Variants in RAD51B observed in about 807,000 individuals in gnomAD.
RAD51B encodes DNA repair protein RAD51 homolog 2.
RAD51B carries 38 observed loss-of-function variants against 42.2 expected under a neutral mutation model. The observed-to-expected ratio is 0.90, with a 90% CI of 0.70 to 1.18. The LOEUF (loss-of-function observed/expected upper bound fraction) is 1.18, where lower values mean the gene tolerates loss of function less well. RAD51B is among the 50% of genes most tolerant of loss of function. RAD51B has a pLI of 0.00. For synonymous variants in RAD51B, 154 were observed against 145.2 expected (o/e 1.06, Z -0.43); for missense variants, 373 against 400.7 (o/e 0.93, Z 0.59).
At chr14:68,594,696 T>A in exon 11 of RAD51B, 2 of 1,277,532 alleles carry the variant, frequency 1.6e-6, no homozygotes, top group African/African-American at 1.5e-5. Context: ...CCCAAAGCGC[T>A]AGGATTACAA....
At chr14:68,223,422 G>A (rs1007259347) in intron 7 of RAD51B, among the ~76,000 whole-genome samples, 1 of 152,206 alleles carries the variant, frequency 6.6e-6, no homozygotes, top group African/African-American at 2.4e-5. Context: ...GTGCCTGGAA[G>A]CACATACATG....
At chr14:68,555,965 G>T (rs1888821823) in intron 10 of RAD51B, among the ~76,000 whole-genome samples, 1 of 152,174 alleles carries the variant, frequency 6.6e-6, no homozygotes, top group Non-Finnish European at 1.5e-5. Flanking sequence ...TATCTTTTCT[G>T]AAAAGAATTC....
chr14:68,019,852 G>A (rs961341660), intron 7 of RAD51B, among the ~76,000 whole-genome samples: 1 of 152,292 alleles, frequency 6.6e-6, no homozygotes, highest in South Asian at 2.1e-4. Context: ...CAGTATTACA[G>A]CTGGCAGGAG....
At chr14:68,185,566 T>G (rs1231990498) in intron 7 of RAD51B, among the ~76,000 whole-genome samples, 1 of 152,008 alleles carries the variant, frequency 6.6e-6, no homozygotes, top group East Asian at 1.9e-4. Flanking sequence ...TTGAGTAGAT[T>G]AGGGAGAAAG....
chr14:68,316,575 A>G (rs183377315), intron 8 of RAD51B, among the ~76,000 whole-genome samples: 146 of 152,288 alleles, frequency 9.6e-4, no homozygotes, highest in African/African-American at 3.4e-3. Flanking sequence ...AGGATGCAAG[A>G]AAGAGTAGAT....
chr14:68,608,396 C>T (rs568889371), intron 10 of RAD51B, among the ~76,000 whole-genome samples: 1 of 152,304 alleles, frequency 6.6e-6, no homozygotes, highest in South Asian at 2.1e-4. Context: ...TGAGAGTTCC[C>T]TGGCTTGGGA....
At chr14:67,890,079 C>T (rs2043173134) in intron 7 of RAD51B, among the ~76,000 whole-genome samples, 1 of 152,000 alleles carries the variant, frequency 6.6e-6, no homozygotes, top group Non-Finnish European at 1.5e-5. Flanking sequence ...ATAAAAGTAA[C>T]CGAAAAAAAT....
At chr14:67,877,354 A>G (rs969129553) in intron 5 of RAD51B, among the ~76,000 whole-genome samples, 8 of 152,194 alleles carry the variant, frequency 5.3e-5, no homozygotes, top group Non-Finnish European at 1.0e-4. Context: ...TCATATGGCT[A>G]ATAAGATAGC....
At chr14:67,881,805 G>A (rs905377909) in intron 5 of RAD51B, among the ~76,000 whole-genome samples, 1 of 152,132 alleles carries the variant, frequency 6.6e-6, no homozygotes, top group Admixed American at 6.5e-5. Flanking sequence ...TTAATCCTTT[G>A]TGGGCTAAAG....
intron 7 of RAD51B, among the ~76,000 whole-genome samples, chr14:67,973,829 A>G (rs1489073603): frequency 1.3e-5 from 2 of 152,174 alleles, no homozygotes; most frequent in Non-Finnish European, 2.9e-5. Flanking sequence ...TTGTTTCACA[A>G]ATAGACATTT....
chr14:67,935,907 A>T (rs2044923491), intron 7 of RAD51B, among the ~76,000 whole-genome samples: 2 of 152,184 alleles, frequency 1.3e-5, no homozygotes, highest in African/African-American at 4.8e-5. Context: ...GAATTCTATT[A>T]TACCAGAGGA....
intron 10 of RAD51B, among the ~76,000 whole-genome samples, chr14:68,610,693 C>G (rs1891640941): frequency 6.6e-6 from 1 of 152,160 alleles, no homozygotes. Flanking sequence ...CCAGAGACAC[C>G]TCCTGTTCTT....
At chr14:68,629,121 C>G (rs942286916) in intron 10 of RAD51B, among the ~76,000 whole-genome samples, 1 of 152,126 alleles carries the variant, frequency 6.6e-6, no homozygotes, top group African/African-American at 2.4e-5. Flanking sequence ...TTAGCAGTGG[C>G]CCCCAGGGGA....
intron 8 of RAD51B, among the ~76,000 whole-genome samples, chr14:68,325,681 G>A (rs1401363474): frequency 6.6e-6 from 1 of 151,672 alleles, no homozygotes; most frequent in Non-Finnish European, 1.5e-5. Flanking sequence ...CATCTAGTTA[G>A]CGTGGTGCTT....
intron 7 of RAD51B, among the ~76,000 whole-genome samples, chr14:68,241,967 T>C (rs1222492534): frequency 1.3e-5 from 2 of 152,224 alleles, no homozygotes; most frequent in Non-Finnish European, 2.9e-5. Flanking sequence ...AGACTTCCCC[T>C]GCTTATGTTG....
chr14:68,499,244 A>G (rs1241532141), intron 10 of RAD51B, among the ~76,000 whole-genome samples: 1 of 152,228 alleles, frequency 6.6e-6, no homozygotes, highest in Non-Finnish European at 1.5e-5. Context: ...GACTCAGCAC[A>G]GACTTGAGTC....
At chr14:68,260,451 T>A (rs1425327544) in intron 7 of RAD51B, among the ~76,000 whole-genome samples, 1 of 152,074 alleles carries the variant, frequency 6.6e-6, no homozygotes, top group Non-Finnish European at 1.5e-5. Context: ...AAGTTTTACA[T>A]GATGCAGGAG....
At chr14:68,469,486 GC>G (rs1375330297) in intron 10 of RAD51B, among the ~76,000 whole-genome samples, 1 of 152,218 alleles carries the variant, frequency 6.6e-6, no homozygotes, top group African/African-American at 2.4e-5. Context: ...TTGGCTCTTA[GC>G]CTTTGACTTA....
rs1324867481 is a variant in RAD51B at position 68,541,687 on chromosome 14, C to CCATT, written c.1037-52793_1037-52790dup. On this transcript the variant is annotated intron_variant, in intron 10 of 10. Coordinates refer to the RAD51B transcript ENST00000487270. The stretch of plus-strand genomic sequence containing the variant: ...GGGGCCTTGTTTGGGCCTGAAGAAG[C>CCATT]CATTCATTTCTTAAAGAAGAAAAAG... 1.0e-5 allele frequency: 10 copies of CCATT among 985,262 alleles called. No individual in the cohort carries two copies. In the African/African-American group the frequency reaches 1.7e-4, roughly 17 times the overall value. 61.0% of individuals were successfully genotyped at this position (985,262 alleles called of 1,614,324 possible). A position where few individuals can be genotyped will look rare whatever the true frequency, so the allele number is the denominator to read the frequency against.
Sources: allele counts gnomAD v4.1 joint callset (sites outside exome capture counted in the v4.1 genomes callset), GRCh38; gene constraint gnomAD v4.1.1; transcripts MANE v1.5; gene names NCBI Gene and HGNC (gene_info 2026-07-23, HGNC 2026-07-21).